MED15: variants seen among roughly 807,000 people sequenced by gnomAD.
MED15 encodes the protein mediator of RNA polymerase II transcription subunit 15.
A neutral mutation model predicts 118.7 loss-of-function variants in MED15; 41 were observed. The observed-to-expected ratio is 0.35, with a 90% CI of 0.27 to 0.45. The LOEUF (loss-of-function observed/expected upper bound fraction) is 0.45. Among genes scored for constraint, MED15 ranks in the 20% least tolerant of loss-of-function variants. MED15 has a pLI of 1.00. For synonymous variants in MED15, 436 were observed against 413.9 expected (o/e 1.05, Z -0.65); for missense variants, 740 against 1,025.5 (o/e 0.72, Z 3.80).
intron 1 of MED15, among the ~76,000 whole-genome samples, chr22:20,511,341 A>C (rs2054056015): frequency 2.0e-5 from 3 of 151,732 alleles, no homozygotes; most frequent in African/African-American, 7.3e-5. Flanking sequence ...CAAATACAAC[A>C]ATCAGCTGGG....
chr22:20,562,757 G>T (rs1322254483), intron 5 of MED15, among the ~76,000 whole-genome samples: 1 of 152,052 alleles, frequency 6.6e-6, no homozygotes, highest in Non-Finnish European at 1.5e-5. Context: ...TTTACACTTG[G>T]CCAGGCACAG....
At chr22:20,568,145 G>A (rs760009671) in intron 7 of MED15, among the ~76,000 whole-genome samples, 1 of 152,200 alleles carries the variant, frequency 6.6e-6, no homozygotes, top group African/African-American at 2.4e-5. Context: ...CCTGCCCTCT[G>A]CTGGCCGGCT....
intron 1 of MED15, among the ~76,000 whole-genome samples, chr22:20,512,091 C>T (rs997144): frequency 0.061 from 8,976 of 148,158 alleles, 619 homozygotes; most frequent in East Asian, 0.38. Flanking sequence ...CAGGGTCAAA[C>T]GATCCTCCCA....
chr22:20,583,702 G>C (rs1008273553), intron 13 of MED15: 3 of 396,378 alleles, frequency 7.6e-6, no homozygotes, highest in Non-Finnish European at 1.4e-5. Context: ...AGCTGGCCCA[G>C]ATGGGCCTGA....
At chr22:20,552,848 G>C (rs888504822) in intron 3 of MED15, 1 of 390,468 alleles carries the variant, frequency 2.6e-6, no homozygotes, top group Non-Finnish European at 4.6e-6. Flanking sequence ...TCTGGACCTG[G>C]GAAAAAGGAA....
chr22:20,544,668 A>AC (rs2055452982), intron 2 of MED15, among the ~76,000 whole-genome samples: 2 of 151,842 alleles, frequency 1.3e-5, no homozygotes. Flanking sequence ...TCTGTCTCAA[A>AC]AAAACAAACA....
intron 5 of MED15, among the ~76,000 whole-genome samples, chr22:20,562,446 G>T (rs1231225937): frequency 6.6e-6 from 1 of 152,054 alleles, no homozygotes; most frequent in Non-Finnish European, 1.5e-5. Context: ...GTGCAGTGGC[G>T]CGATCTCGGC....
chr22:20,537,245 T>G (rs1423889091), intron 2 of MED15, 41 bp downstream of exon 2: 2 of 1,571,188 alleles, frequency 1.3e-6, no homozygotes, highest in Non-Finnish European at 1.8e-6. Flanking sequence ...CAGAGAGACT[T>G]GGAGAGGAGA....
At chr22:20,544,239 T>C (rs1434592857) in intron 2 of MED15, among the ~76,000 whole-genome samples, 1 of 152,182 alleles carries the variant, frequency 6.6e-6, no homozygotes, top group Non-Finnish European at 1.5e-5. Flanking sequence ...CTTCTCACAA[T>C]TCTACTAGCC....
intron 5 of MED15, among the ~76,000 whole-genome samples, chr22:20,560,912 T>G (rs2056211991): frequency 6.6e-6 from 1 of 151,958 alleles, no homozygotes; most frequent in South Asian, 2.1e-4. Context: ...CTGTGAAGAG[T>G]TAAAATAGAT....
At chr22:20,556,240 C>G (rs1342194744) in intron 5 of MED15, among the ~76,000 whole-genome samples, 1 of 151,956 alleles carries the variant, frequency 6.6e-6, no homozygotes, top group Non-Finnish European at 1.5e-5. Flanking sequence ...TTGTCAAAAC[C>G]AAGAAATTAA....
chr22:20,573,247 C>G (rs1214501094), intron 8 of MED15, among the ~76,000 whole-genome samples: 1 of 152,286 alleles, frequency 6.6e-6, no homozygotes, highest in East Asian at 1.9e-4. Context: ...GAATTACAGG[C>G]GTAAGCCACT....
Position 20,535,750 on chromosome 22 carries a change from A to G in MED15, c.69-1367A>G, listed in dbSNP as rs189864925. On this transcript the variant is annotated intron_variant, in intron 1 of 17. Coordinates refer to ENST00000263205, the MANE Select transcript of MED15 (RefSeq NM_001003891.3). Reference sequence around the variant, plus strand: ...AATTTTTTGTATTTTTAGTAGAGACAGGGTTTCACTGTGTTAGCCAGGATG... The same window carrying G: ...AATTTTTTGTATTTTTAGTAGAGACGGGGTTTCACTGTGTTAGCCAGGATG... Among the ~76,000 whole-genome samples, 660 of 151,422 alleles carry G rather than the reference A, an allele frequency of 4.4e-3. 2 individuals carry two copies. Among genetic ancestry groups the G allele is most frequent in the South Asian group, 0.018 (86 of 4,792 alleles).
At position 20,559,558 on chromosome 22, in the gene MED15, A is replaced by G. The variant is rs145457024; in HGVS notation, c.451+4410A>G. Among the ~76,000 whole-genome samples the G allele has an allele frequency of 1.3e-4, 20 of 152,362 alleles. No individual in the cohort carries two copies. The East Asian group carries it at 3.3e-3, about 25-fold the overall frequency. ...CCATCTGGCCCCAACCAAGTTAGCC[A>G]TCTCATCTGCTGTGAGACTGCAGAG... On this transcript the variant is annotated intron_variant, in intron 5 of 17. Coordinates refer to ENST00000263205, the MANE Select transcript of MED15 (RefSeq NM_001003891.3).
intron 5 of MED15, among the ~76,000 whole-genome samples, chr22:20,558,755 A>AC (rs1234296269): frequency 1.3e-5 from 2 of 151,452 alleles, no homozygotes; most frequent in Non-Finnish European, 2.9e-5. Flanking sequence ...GTCCTGTGTC[A>AC]CCCCCCATAC....
At chr22:20,539,648 G>C (rs1002829576) in intron 2 of MED15, among the ~76,000 whole-genome samples, 1 of 152,170 alleles carries the variant, frequency 6.6e-6, no homozygotes, top group African/African-American at 2.4e-5. Context: ...ACCTTTTGAG[G>C]AATTGCCAGA....
intron 8 of MED15, among the ~76,000 whole-genome samples, chr22:20,570,968 C>T (rs950536439): frequency 6.6e-6 from 1 of 151,832 alleles, no homozygotes; most frequent in Admixed American, 6.6e-5. Context: ...AGAGATGGGC[C>T]AGGCTGGTCT....
At chr22:20,508,137 C>T in intron 1 of MED15, 1 of 1,229,538 alleles carries the variant, frequency 8.1e-7, no homozygotes, top group Non-Finnish European at 1.0e-6. Flanking sequence ...TCCAGAAAAG[C>T]GCATCAACGG....
chr22:20,563,633 A>G (rs1373004737), intron 5 of MED15, among the ~76,000 whole-genome samples: 1 of 152,198 alleles, frequency 6.6e-6, no homozygotes, highest in East Asian at 1.9e-4. Context: ...AGAACTTAGT[A>G]CACACACCCA....
Sources: gnomAD v4.1 joint callset for allele counts (sites outside exome capture counted in the v4.1 genomes callset) on GRCh38, gnomAD v4.1.1 for gene constraint, MANE v1.5 for transcripts, NCBI Gene and HGNC (gene_info 2026-07-23, HGNC 2026-07-21) for gene names.